VIPR1: variants seen among roughly 807,000 people sequenced by gnomAD.
The protein encoded by VIPR1 is vasoactive intestinal polypeptide receptor 1.
Under a neutral mutation model 58.8 loss-of-function variants are expected in VIPR1, and 59 were observed. The ratio of observed to expected loss-of-function variants is 1.00; its 90% CI spans 0.81 to 1.25. VIPR1 has a LOEUF of 1.25. Among genes scored for constraint, VIPR1 ranks in the 50% most tolerant of loss-of-function variants. The pLI is 0.00. For synonymous variants in VIPR1, 251 were observed against 242.1 expected, an observed-to-expected ratio of 1.04 and a Z score of -0.34; for missense variants, 626 against 602.7, an observed-to-expected ratio of 1.04 and a Z score of -0.40.
chr3:42,514,185 C>T (rs1700506493), intron 2 of VIPR1, among the ~76,000 whole-genome samples: 1 of 152,022 alleles, frequency 6.6e-6, no homozygotes, highest in Non-Finnish European at 1.5e-5. Flanking sequence ...GACACAAGGC[C>T]CAGGGTGCTA....
intron 10 of VIPR1, 133 bp downstream of exon 10, chr3:42,532,466 C>A: frequency 1.0e-6 from 1 of 963,340 alleles, no homozygotes; most frequent in Non-Finnish European, 1.6e-6. Flanking sequence ...TTCCCACCTC[C>A]ACCATGGCCT....
At chr3:42,532,663 A>G (rs1235797727) in intron 10 of VIPR1, 1 of 415,620 alleles carries the variant, frequency 2.4e-6, no homozygotes, top group East Asian at 4.3e-5. Flanking sequence ...AGTCCCTGGC[A>G]TGTGCCTCAC....
chr3:42,520,375 T>A (rs562551114), intron 3 of VIPR1, among the ~76,000 whole-genome samples: 5 of 152,160 alleles, frequency 3.3e-5, no homozygotes, highest in Admixed American at 3.3e-4. Flanking sequence ...AAGTCCAATT[T>A]AGATTTTTAA....
chr3:42,528,305 C>A (rs1184638813), intron 6 of VIPR1, 182 bp downstream of exon 6: 4 of 801,864 alleles, frequency 5.0e-6, no homozygotes, highest in Non-Finnish European at 7.6e-6. Context: ...ATCACACTCC[C>A]CTCCGGCAAC....
At chr3:42,522,110 T>A (rs1305814135) in intron 3 of VIPR1, among the ~76,000 whole-genome samples, 5,081 of 72,252 alleles carry the variant, frequency 0.07, 128 homozygotes, top group East Asian at 0.15. Flanking sequence ...TATTTTTTTT[T>A]TTTTTTTTTT....
In VIPR1 at chr3:42,528,890, G is replaced by A. The variant is rs561195142; in HGVS notation, c.636+767G>A. 9.2e-5 allele frequency among the ~76,000 whole-genome samples: 14 copies of A among 152,310 alleles called. No homozygotes were observed. The South Asian group carries it at 2.9e-3, about 32-fold the overall frequency. On this transcript the variant is annotated intron_variant, in intron 6 of 12. Coordinates refer to ENST00000325123, the MANE Select transcript of VIPR1 (RefSeq NM_004624.4). ...CAGCAGTACCTTCTCCCCAAAGAGT[G>A]AAATGATCATACTGGAATCTCAGGC...
chr3:42,501,778 G>A (rs528325481), upstream of VIPR1: 5 of 152,682 alleles, frequency 3.3e-5, no homozygotes, highest in Non-Finnish European at 7.3e-5. This position sits in a 1 kb window ranked among gnomAD's most constrained non-coding sequence, Gnocchi z 4.8. Context: ...GACGACGTCT[G>A]TGGATCGTTT....
In VIPR1 at chr3:42,502,716, C is replaced by A; in HGVS notation, c.-20C>A. Reference sequence around the variant, plus strand: ...CTCTTTGCCCGCGCGGGGCCGCCCGCCGCGGGCTCAGGGCAGACCATGCGC... The same window carrying A: ...CTCTTTGCCCGCGCGGGGCCGCCCGACGCGGGCTCAGGGCAGACCATGCGC... On this transcript the variant is annotated 5_prime_UTR_variant, in exon 1 of 13. Coordinates refer to ENST00000325123, the MANE Select transcript of VIPR1 (RefSeq NM_004624.4). 1 of 1,289,602 alleles carries A rather than the reference C, an allele frequency of 7.8e-7. No individual in the cohort carries two copies. The highest frequency in any genetic ancestry group is 9.8e-7 in the Non-Finnish European group (1 of 1,023,242). The allele number at this position is 1,289,602 out of a possible 1,614,324, so 79.9% of individuals were successfully genotyped here. A position where few individuals can be genotyped will look rare whatever the true frequency, so the allele number is the denominator to read the frequency against.
At chr3:42,523,643 C>T (rs566355367) in intron 3 of VIPR1, among the ~76,000 whole-genome samples, 2 of 111,432 alleles carry the variant, frequency 1.8e-5, no homozygotes, top group African/African-American at 8.2e-5. Context: ...ACACACACGG[C>T]ATGTGAAGCT....
At position 42,527,410 on chromosome 3, in the gene VIPR1, C is replaced by T. The variant is rs1297692879; in HGVS notation, c.417C>T (p.Tyr139=). 8.1e-6 allele frequency: 13 copies of T among 1,613,488 alleles called. No homozygotes were observed. The highest frequency in any genetic ancestry group is 6.6e-5 in the South Asian group (6 of 91,070). The part of the protein sequence containing the change: ...ASLDEQQTMF[Y]GSVKTGYTIG... The stretch of plus-strand genomic sequence containing the variant: ...TCCAACAGCAGCAGACCATGTTCTA[C>T]GGTTCTGTGAAGACCGGCTACACCA... The change falls in exon 5 of 13, where the codon TAC becomes TAT. Residue 139 remains tyrosine (Y), a synonymous_variant. Transcript: ENST00000325123.
At chr3:42,532,089 G>A (rs753392710) in intron 9 of VIPR1, 153 bp from the exon 10 acceptor site, 45 of 927,594 alleles carry the variant, frequency 4.9e-5, no homozygotes, top group East Asian at 1.3e-4. Flanking sequence ...TAGAGTTCCC[G>A]GATGACCTGC....
intron 2 of VIPR1, among the ~76,000 whole-genome samples, chr3:42,514,246 T>G (rs1347022718): frequency 6.6e-6 from 1 of 152,022 alleles, no homozygotes. Context: ...CAGGACCCCC[T>G]GGAGCTGGCA....
chr3:42,525,822 C>A, intron 3 of VIPR1, 65 bp from the exon 4 acceptor site: 1 of 1,469,246 alleles, frequency 6.8e-7, no homozygotes, highest in Non-Finnish European at 9.2e-7. Context: ...TTGTTCCAAG[C>A]AGAGACAGCC....
chr3:42,500,670 G>A (rs1699849752), upstream of VIPR1, among the ~76,000 whole-genome samples: 1 of 152,174 alleles, frequency 6.6e-6, no homozygotes, highest in African/African-American at 2.4e-5. Flanking sequence ...CCAGGGAACT[G>A]AGACCCGAGA....
chr3:42,520,327 C>A (rs778429027), intron 3 of VIPR1, among the ~76,000 whole-genome samples: 3 of 152,150 alleles, frequency 2.0e-5, no homozygotes, highest in Non-Finnish European at 4.4e-5. Flanking sequence ...TTTCCTAAGT[C>A]CAGTTAGAAG....
At chr3:42,497,847 C>A (rs1699795806), upstream of VIPR1, among the ~76,000 whole-genome samples, 1 of 152,208 alleles carries the variant, frequency 6.6e-6, no homozygotes, top group African/African-American at 2.4e-5. Flanking sequence ...AACTATGAGT[C>A]CACTAAACCT....
At chr3:42,534,820 C>T in intron 10 of VIPR1, 155 bp from the exon 11 acceptor site, 1 of 996,880 alleles carries the variant, frequency 1.0e-6, no homozygotes, top group Non-Finnish European at 1.4e-6. Flanking sequence ...CAGGAGCAGA[C>T]AAGGGCATAA....
At position 42,534,897 on chromosome 3, in the gene VIPR1, G is replaced by A. The variant is rs115683552; in HGVS notation, c.1011-78G>A. ...ATTGTCCCCATCTTCTGTGCCTCCA[G>A]CTGCCCCCATGCCACACCCTATCAT... On this transcript the variant is annotated intron_variant, in intron 10 of 12. Transcript: ENST00000325123. The A allele has an allele frequency of 4.5e-6, 7 of 1,557,904 alleles. No individual in the cohort carries two copies. The African/African-American group carries it at 6.8e-5, about 15-fold the overall frequency.
At chr3:42,522,093 ATATATATATTTTTT>A (rs1237101987) in intron 3 of VIPR1, among the ~76,000 whole-genome samples, 1 of 44,344 alleles carries the variant, frequency 2.3e-5, no homozygotes, top group East Asian at 8.0e-4. Context: ...ATATATATAT[ATATATATATTTTTT>A]TTTTTTTTTT....
Sources: gnomAD v4.1 joint callset for allele counts (sites outside exome capture counted in the v4.1 genomes callset) on GRCh38, gnomAD v4.1.1 for gene constraint, Gnocchi (gnomAD v3.1) non-coding constraint, MANE v1.5 for transcripts, NCBI Gene and HGNC (gene_info 2026-07-23, HGNC 2026-07-21) for gene names.